The following RSRP1 variants were observed in gnomAD, a reference collection of about 807,000 sequenced individuals.
RSRP1 encodes arginine/serine-rich protein 1.
Under a neutral mutation model 33.0 loss-of-function variants are expected in RSRP1, and 37 were observed. The ratio of observed to expected loss-of-function variants is 1.12; its 90% CI spans 0.86 to 1.48. The LOEUF (loss-of-function observed/expected upper bound fraction) is 1.48. Among genes scored for constraint, RSRP1 ranks in the 40% most tolerant of loss-of-function variants. The pLI, the probability that RSRP1 is intolerant of heterozygous loss-of-function variation, is 0.00. For synonymous variants in RSRP1, 167 were observed against 158.7 expected (o/e 1.05, Z -0.40); for missense variants, 402 against 385.3 (o/e 1.04, Z -0.36).
Position 25,312,944 on chromosome 1 carries a change from A to AAAAAAAAAAAAC in RSRP1, c.-67+25022_-67+25033dup, listed in dbSNP as rs1644237753. ...CTAAAAAAAAAAAAAAAAAAAAAAA[A>AAAAAAAAAAAAC]AAAAAAAAAAACTTTAGTGCTATTG... On this transcript the variant is annotated intron_variant, in intron 1 of 1. Transcript: ENST00000561867. Among the ~76,000 whole-genome samples the AAAAAAAAAAAAC allele has an allele frequency of 1.8e-5, 2 of 109,944 alleles. 1 individual carries two copies. Among genetic ancestry groups the AAAAAAAAAAAAC allele is most frequent in the Non-Finnish European group, 4.4e-5 (2 of 45,644 alleles). 72.1% of individuals were successfully genotyped at this position (109,944 alleles called of 152,430 possible).
intron 1 of RSRP1, chr1:25,336,440 A>G (rs1330945007): frequency 6.9e-6 from 1 of 145,888 alleles, no homozygotes; most frequent in Non-Finnish European, 1.5e-5. Context: ...GGCTTTTGCT[A>G]TTTCTAGCAG....
At chr1:25,284,268 A>AT (rs1641760555) in intron 1 of RSRP1, among the ~76,000 whole-genome samples, 1 of 135,850 alleles carries the variant, frequency 7.4e-6, no homozygotes, top group African/African-American at 2.5e-5. Flanking sequence ...TGTTCTTATT[A>AT]TTAGGTTTAA....
At chr1:25,244,607 G>C (rs563583345) in intron 3 of RSRP1, 138 of 1,263,396 alleles carry the variant, frequency 1.1e-4, no homozygotes, top group Non-Finnish European at 1.4e-4. Context: ...AAATAGCTTA[G>C]AAAAACTAGT....
chr1:25,283,182 G>A (rs1641651921), intron 1 of RSRP1, among the ~76,000 whole-genome samples: 1 of 132,012 alleles, frequency 7.6e-6, no homozygotes, highest in Non-Finnish European at 1.8e-5. Context: ...AGAAGAGGGA[G>A]GGCAGATGGT....
At position 25,306,752 on chromosome 1, in the gene RSRP1, C is replaced by G; in HGVS notation, c.-67+31226G>C. ...CATGTGGGTCACTGGGCTTACCCCC[C>G]ATCCCCTTAACACTCCCCTCCAACT... On this transcript the variant is annotated intron_variant, in intron 1 of 1. Coordinates refer to the RSRP1 transcript ENST00000561867. 5 of 1,374,036 alleles carry G rather than the reference C, an allele frequency of 3.6e-6. 1 individual carries two copies. The highest frequency in any genetic ancestry group is 5.1e-6 in the Non-Finnish European group (5 of 975,682). 85.1% of individuals were successfully genotyped at this position (1,374,036 alleles called of 1,614,324 possible).
In RSRP1 at chr1:25,321,854, C is replaced by T; in HGVS notation, c.-67+16124G>A. 1.9e-6 allele frequency: 2 copies of T among 1,039,538 alleles called. 1 individual carries two copies. Among genetic ancestry groups the T allele is most frequent in the Non-Finnish European group, 3.0e-6 (2 of 672,700 alleles). 64.4% of individuals were successfully genotyped at this position (1,039,538 alleles called of 1,614,324 possible). The stretch of plus-strand genomic sequence containing the variant: ...TCTTGAGATTAAAAATCCTGTGCTC[C>T]AAATCTTTTAACATTAAATTATGCA... On this transcript the variant is annotated intron_variant, in intron 1 of 1. Coordinates refer to the RSRP1 transcript ENST00000561867.
intron 1 of RSRP1, among the ~76,000 whole-genome samples, chr1:25,299,841 C>T (rs1156443340): frequency 7.6e-6 from 1 of 131,204 alleles, no homozygotes; most frequent in African/African-American, 2.6e-5. Flanking sequence ...CCTCCGCCTC[C>T]CAGGTTCCAG....
rs1336968659 is a variant in RSRP1, at chr1:25,298,788, A to G, written c.-67+39190T>C. On this transcript the variant is annotated intron_variant, in intron 1 of 1. Transcript: ENST00000561867. ...TTCCAGAAGGAAAGACTGCCAATAAACAATAAAATAGGCAAAAGATATAGC... is the reference window on the plus strand; with the variant it reads ...TTCCAGAAGGAAAGACTGCCAATAAGCAATAAAATAGGCAAAAGATATAGC... Among the ~76,000 whole-genome samples the G allele has an allele frequency of 3.0e-5, 4 of 131,422 alleles. 1 individual carries two copies. Among genetic ancestry groups the G allele is most frequent in the African/African-American group, 5.2e-5 (2 of 38,104 alleles). 86.2% of individuals were successfully genotyped at this position (131,422 alleles called of 152,430 possible). A position where few individuals can be genotyped will look rare whatever the true frequency, so the allele number is the denominator to read the frequency against.
chr1:25,243,595 G>C lies in RSRP1; in HGVS notation c.711C>G (p.Pro237=), dbSNP rs752226528. Residue 237 remains proline, a synonymous_variant, in exon 4 of 5, where the codon CCC becomes CCG. Coordinates refer to ENST00000243189, the MANE Select transcript of RSRP1 (RefSeq NM_020317.5). ...TTCTTTGCTGGGTAGGTTTTTCATTGGGATTTCGAGTTCCATCTTCTGTTA... is the reference window on the plus strand; with the variant it reads ...TTCTTTGCTGGGTAGGTTTTTCATTCGGATTTCGAGTTCCATCTTCTGTTA... The part of the protein sequence containing the change: ...EKVTEDGTRN[P]NEKPTQQRSI... 1 of 1,613,640 alleles carries C rather than the reference G, an allele frequency of 6.2e-7. No homozygotes were observed. The highest frequency in any genetic ancestry group is 8.5e-7 in the Non-Finnish European group (1 of 1,179,824).
chr1:25,270,285 A>G, intron 1 of RSRP1, among the ~76,000 whole-genome samples: 1 of 129,502 alleles, frequency 7.7e-6, no homozygotes. Context: ...TAGAATTGGA[A>G]GAAGACTTAG....
rs1644392176 is a variant in RSRP1, at chr1:25,315,508, T to G, written c.-67+22470A>C. ...TTTTTCTTTTCTTTCTTTCTTTTTT[T>G]TTTTTTGAGATGGAGTCTCGCTGTG... On this transcript the variant is annotated intron_variant, in intron 1 of 1. Coordinates refer to the RSRP1 transcript ENST00000561867. Among the ~76,000 whole-genome samples the G allele has an allele frequency of 1.6e-5, 2 of 124,050 alleles. 1 individual carries two copies. Among genetic ancestry groups the G allele is most frequent in the Admixed American group, 1.6e-4 (2 of 12,826 alleles). 81.4% of individuals were successfully genotyped at this position (124,050 alleles called of 152,430 possible).
rs1352536021 is a variant in RSRP1 at position 25,291,413 on chromosome 1, G to A, written c.-66-44384C>T. On this transcript the variant is annotated intron_variant, in intron 1 of 1. Coordinates refer to the RSRP1 transcript ENST00000561867. ...GAACCCGAGAGGTGGAGGTTGCAGT[G>A]AACCGAGATCGCGCCATTGCACTGC... 3.6e-4 allele frequency among the ~76,000 whole-genome samples: 47 copies of A among 132,052 alleles called. 11 individuals carry two copies. Among genetic ancestry groups the A allele is most frequent in the African/African-American group, 1.1e-3 (44 of 38,656 alleles). The allele number at this position is 132,052 out of a possible 152,430, so 86.6% of individuals were successfully genotyped here.
intron 1 of RSRP1, among the ~76,000 whole-genome samples, chr1:25,268,517 A>C (rs1640394216): frequency 7.6e-6 from 1 of 131,426 alleles, no homozygotes; most frequent in African/African-American, 2.6e-5. Flanking sequence ...CTCCGTCTAA[A>C]AAAAAAACCT....
At chr1:25,315,791 C>T (rs1019970445) in intron 1 of RSRP1, among the ~76,000 whole-genome samples, 1 of 130,484 alleles carries the variant, frequency 7.7e-6, no homozygotes, top group African/African-American at 2.6e-5. Context: ...CCACCACACC[C>T]GGCCTTAATT....
rs758564742 is a variant in RSRP1, at chr1:25,272,747, C to T, written c.-66-25718G>A. ...CAGGAGCAAATAGCAGGGGCAGGGG[C>T]GGGGGAGGCCTGTGGTTCTCCAGGG... On this transcript the variant is annotated intron_variant, in intron 1 of 1. Transcript: ENST00000561867. 4.4e-5 allele frequency: 61 copies of T among 1,371,000 alleles called. 14 individuals are homozygous for T. The highest frequency in any genetic ancestry group is 5.4e-5 in the Non-Finnish European group (53 of 973,184). 84.9% of individuals were successfully genotyped at this position (1,371,000 alleles called of 1,614,324 possible). A position where few individuals can be genotyped will look rare whatever the true frequency, so the allele number is the denominator to read the frequency against.
At chr1:25,306,459 C>A in intron 1 of RSRP1, 1 of 861,168 alleles carries the variant, frequency 1.2e-6, no homozygotes, top group Non-Finnish European at 1.9e-6. Flanking sequence ...ACATTCAAGT[C>A]TGAGAAGGGC....
Position 25,246,750 on chromosome 1 carries a change from G to C in RSRP1, c.214C>G (p.Arg72Gly). 1 of 1,609,096 alleles carries C rather than the reference G, an allele frequency of 6.2e-7. No homozygotes were observed. The highest frequency in any genetic ancestry group is 8.5e-7 in the Non-Finnish European group (1 of 1,176,438). Residue 72 changes from arginine (R) to glycine (G), a missense_variant, in exon 2 of 5, where the codon CGG becomes GGG. Arg to Gly is a moderately radical substitution (Grantham distance 125). Coordinates refer to ENST00000243189, the MANE Select transcript of RSRP1 (RefSeq NM_020317.5). ...GACCGCGAGTAGCGCCTGTACTTCC[G>C]CTGGTGGCGCCTTCGGGAACGGGAC... Reference protein sequence around the residue: ...SRSRSRRRHQRKYRRYSRSYS... With the variant: ...SRSRSRRRHQGKYRRYSRSYS...
In RSRP1 at chr1:25,247,173, C is replaced by T. The variant is rs1292109713; in HGVS notation, c.-67+136G>A. ...GACAGGAACCGAGCCCTAGAAACCC[C>T]GCTCGGCGCCCTGAGGCCGCGGCCT... On this transcript the variant is annotated intron_variant, in intron 1 of 4. Transcript: ENST00000243189. The T allele has an allele frequency of 4.1e-5, 21 of 511,696 alleles. No homozygotes were observed. In the South Asian group the frequency reaches 7.9e-4, roughly 19 times the overall value. 31.7% of individuals were successfully genotyped at this position (511,696 alleles called of 1,614,324 possible). A position where few individuals can be genotyped will look rare whatever the true frequency, so the allele number is the denominator to read the frequency against.
rs1638933006 is a variant in RSRP1, at chr1:25,242,627, GATCT to G, written c.831_834del (p.Asp278ArgfsTer23). 1 of 1,611,412 alleles carries G rather than the reference GATCT, an allele frequency of 6.2e-7. No homozygotes were observed. The highest frequency in any genetic ancestry group is 1.1e-5 in the South Asian group (1 of 90,792). ...CACAGTCCATATGGACTTTTTTTCT[GATCT>G]ATTTTTGGTGATCTTGAAGATGCCT... is the stretch of plus-strand genomic sequence containing the variant. On this transcript the variant is annotated frameshift_variant, in exon 5 of 5. Transcript: ENST00000243189. LOFTEE classifies it high-confidence loss of function.
Sources: gnomAD v4.1 joint callset for allele counts (sites outside exome capture counted in the v4.1 genomes callset) on GRCh38, gnomAD v4.1.1 for gene constraint, MANE v1.5 for transcripts, NCBI Gene and HGNC (gene_info 2026-07-23, HGNC 2026-07-21) for gene names.